Variants in FAAH2 observed in about 807,000 individuals in gnomAD.
FAAH2 encodes fatty-acid amide hydrolase 2.
A neutral mutation model predicts 36.9 loss-of-function variants in FAAH2; 60 were observed. That is an observed-to-expected ratio of 1.63 (90% CI 1.32 to 2.02). FAAH2 has a LOEUF of 2.02. FAAH2 is among the 30% of genes most tolerant of loss of function. FAAH2 has a pLI of 0.00. For missense variants in FAAH2, 689 were observed against 397.5 expected (o/e 1.73, Z -6.23); for synonymous variants, 214 against 143.8 (o/e 1.49, Z -3.49).
At chrX:57,441,692 T>C (rs769980102) in intron 8 of FAAH2, among the ~76,000 whole-genome samples, 14 of 111,163 alleles carry the variant, frequency 1.3e-4, no homozygotes, top group Non-Finnish European at 1.9e-5. Flanking sequence ...TTCTTTTAAT[T>C]GTGATATTAG....
intron 7 of FAAH2, among the ~76,000 whole-genome samples, chrX:57,426,178 A>T (rs193225119): frequency 1.1e-4 from 12 of 112,180 alleles, no homozygotes; most frequent in Non-Finnish European, 2.3e-4. Context: ...AGAACAGTAA[A>T]AAAAGGTCAG....
intron 8 of FAAH2, among the ~76,000 whole-genome samples, chrX:57,443,593 G>A (rs1298391974): frequency 6.3e-5 from 7 of 110,677 alleles, no homozygotes; most frequent in East Asian, 2.8e-4. Flanking sequence ...ATTGATTGTC[G>A]GACGCCTTCT....
At chrX:57,316,485 TAC>T in intron 3 of FAAH2, among the ~76,000 whole-genome samples, 1 of 111,801 alleles carries the variant, frequency 8.9e-6, no homozygotes, top group Middle Eastern at 4.6e-3. Context: ...ATTATAAAGC[TAC>T]AGTCACCAAA....
the FAAH2 span, among the ~76,000 whole-genome samples, chrX:57,230,722 T>C: frequency 8.9e-6 from 1 of 111,740 alleles, no homozygotes; most frequent in Admixed American, 9.6e-5. Flanking sequence ...TTAGTACTTT[T>C]TCCCAATTGT....
At chrX:57,224,459 G>C in the FAAH2 span, among the ~76,000 whole-genome samples, 1 of 110,994 alleles carries the variant, frequency 9.0e-6, no homozygotes, top group South Asian at 3.9e-4. Context: ...AGATTCTCCC[G>C]GGGCCTGAAA....
At chrX:57,353,888 C>T in intron 5 of FAAH2, among the ~76,000 whole-genome samples, 1 of 110,964 alleles carries the variant, frequency 9.0e-6, no homozygotes, top group South Asian at 3.7e-4. Context: ...CAAGTCAAAA[C>T]CAATGTGAGA....
chrX:57,228,756 C>T, the FAAH2 span, among the ~76,000 whole-genome samples: 1 of 111,894 alleles, frequency 8.9e-6, no homozygotes. Context: ...CTTTAGTTTC[C>T]TTGGTAACAA....
the FAAH2 span, among the ~76,000 whole-genome samples, chrX:57,217,558 C>A: frequency 4.5e-5 from 5 of 111,546 alleles, no homozygotes; most frequent in East Asian, 1.1e-3. Flanking sequence ...CCACTTTATG[C>A]TTTTATTTGC....
chrX:57,259,460 A>C, the FAAH2 span, among the ~76,000 whole-genome samples: 1 of 112,094 alleles, frequency 8.9e-6, no homozygotes, highest in Admixed American at 9.5e-5. Flanking sequence ...CAAGAGAAGG[A>C]AACTCTGCTA....
At chrX:57,409,446 T>C (rs1432538401) in intron 7 of FAAH2, among the ~76,000 whole-genome samples, 1 of 111,618 alleles carries the variant, frequency 9.0e-6, no homozygotes, top group African/African-American at 3.2e-5. Flanking sequence ...TTGATTTTTC[T>C]GAAGAGTTTG....
At chrX:57,441,444 G>T (rs1056361274) in intron 8 of FAAH2, among the ~76,000 whole-genome samples, 1 of 111,077 alleles carries the variant, frequency 9.0e-6, no homozygotes, top group African/African-American at 3.3e-5. Context: ...GATTGGTGGT[G>T]CTATACCCTT....
the FAAH2 span, among the ~76,000 whole-genome samples, chrX:57,144,704 G>A: frequency 9.1e-6 from 1 of 109,943 alleles, no homozygotes; most frequent in African/African-American, 3.3e-5. Context: ...CCCAAAGTCC[G>A]TTGTATCATT....
At chrX:57,365,009 A>T (rs769463415) in intron 5 of FAAH2, among the ~76,000 whole-genome samples, 1 of 111,972 alleles carries the variant, frequency 8.9e-6, no homozygotes, top group Admixed American at 9.5e-5. Context: ...TATACAGATG[A>T]GAAAAACTGT....
chrX:57,420,997 G>T (rs1405909781), intron 7 of FAAH2, among the ~76,000 whole-genome samples: 3 of 112,192 alleles, frequency 2.7e-5, no homozygotes, highest in Non-Finnish European at 3.8e-5. Context: ...TTTTGTCTTT[G>T]GTTTTGTTTA....
At chrX:57,306,262 C>T (rs1261752205) in intron 2 of FAAH2, among the ~76,000 whole-genome samples, 1 of 111,418 alleles carries the variant, frequency 9.0e-6, no homozygotes, top group East Asian at 2.8e-4. Flanking sequence ...GAATGTGTAA[C>T]ACTTAGAGTG....
At chrX:57,211,176 GAT>G in the FAAH2 span, among the ~76,000 whole-genome samples, 1 of 111,706 alleles carries the variant, frequency 9.0e-6, no homozygotes, top group African/African-American at 3.3e-5. Flanking sequence ...TCTCCTAATT[GAT>G]ATATAAGTTT....
At chrX:57,324,640 T>C (rs2053152421) in intron 3 of FAAH2, among the ~76,000 whole-genome samples, 2 of 112,038 alleles carry the variant, frequency 1.8e-5, no homozygotes, top group African/African-American at 6.5e-5. Context: ...GGCTCTCTGT[T>C]TTTCTGTTAT....
At chrX:57,442,818 C>A (rs5914109) in intron 8 of FAAH2, among the ~76,000 whole-genome samples, 39,773 of 110,315 alleles carry the variant, frequency 0.36, 6,152 homozygotes, top group Middle Eastern at 0.62. Flanking sequence ...GTGACAAAAT[C>A]TCTCGGCATT....
At chrX:57,448,503 A>G (rs1457695577) in intron 9 of FAAH2, 21 bp from the exon 10 acceptor site, 1 of 1,180,555 alleles carries the variant, frequency 8.5e-7, no homozygotes, top group Admixed American at 2.3e-5. Context: ...CCTTAACTTG[A>G]TATATGATAT....
Sources: allele counts gnomAD v4.1 joint callset (sites outside exome capture counted in the v4.1 genomes callset), GRCh38; gene constraint gnomAD v4.1.1; transcripts MANE v1.5; gene names NCBI Gene and HGNC (gene_info 2026-07-23, HGNC 2026-07-21).